Variants in GABBR2 observed in about 807,000 individuals in gnomAD.
GABBR2 encodes the protein G-protein coupled receptor 51.
A neutral mutation model predicts 105.6 loss-of-function variants in GABBR2; 23 were observed. The ratio of observed to expected loss-of-function variants is 0.22; its 90% CI spans 0.16 to 0.31. GABBR2 has a LOEUF of 0.31. Among genes scored for constraint, GABBR2 ranks in the 10% least tolerant of loss-of-function variants. The pLI is 1.00. For synonymous variants in GABBR2, 478 were observed against 499.7 expected (o/e 0.96, Z 0.58); for missense variants, 734 against 1,245.5 (o/e 0.59, Z 6.18).
intron 1 of GABBR2, among the ~76,000 whole-genome samples, chr9:98,679,776 G>A (rs902121253): frequency 1.3e-5 from 2 of 152,160 alleles, no homozygotes; most frequent in Non-Finnish European, 2.9e-5. Flanking sequence ...TATACCAAGG[G>A]GAAAGGAACA....
chr9:98,642,644 T>C (rs1829979368), intron 1 of GABBR2, among the ~76,000 whole-genome samples: 1 of 152,190 alleles, frequency 6.6e-6, no homozygotes, highest in South Asian at 2.1e-4. Flanking sequence ...TGAGACATCA[T>C]ATTATTTTAG....
intron 11 of GABBR2, among the ~76,000 whole-genome samples, chr9:98,378,803 C>G (rs930453844): frequency 6.6e-6 from 1 of 152,168 alleles, no homozygotes; most frequent in African/African-American, 2.4e-5. Context: ...TGATAAGGTC[C>G]TGCTTCTTGA....
intron 3 of GABBR2, among the ~76,000 whole-genome samples, chr9:98,506,290 C>T (rs892091438): frequency 3.3e-5 from 5 of 152,122 alleles, no homozygotes; most frequent in African/African-American, 7.2e-5. Context: ...TCCCCATGGA[C>T]GTGTCAGCTC....
intron 16 of GABBR2, among the ~76,000 whole-genome samples, chr9:98,302,218 T>C (rs1830480499): frequency 6.6e-6 from 1 of 152,220 alleles, no homozygotes; most frequent in South Asian, 2.1e-4. Context: ...TGTCAGTTTT[T>C]GTTGATGTGA....
chr9:98,492,377 A>AAAAAAAAAAAAAAATTC (rs869245590), intron 4 of GABBR2, among the ~76,000 whole-genome samples: 1 of 145,462 alleles, frequency 6.9e-6, no homozygotes, highest in African/African-American at 2.6e-5. Flanking sequence ...AAAAAAAAAA[A>AAAAAAAAAAAAAAATTC]TTCTTATTTG....
At chr9:98,352,966 G>A (rs1389451156) in intron 13 of GABBR2, among the ~76,000 whole-genome samples, 1 of 152,104 alleles carries the variant, frequency 6.6e-6, no homozygotes, top group Admixed American at 6.5e-5. Context: ...TGGGTGCTGG[G>A]CTCTCAAAAT....
chr9:98,552,626 T>C (rs1334041213), intron 2 of GABBR2, among the ~76,000 whole-genome samples: 4 of 152,202 alleles, frequency 2.6e-5, no homozygotes, highest in Non-Finnish European at 5.9e-5. Context: ...TGCAAAGCAT[T>C]TCCCAAGTTA....
chr9:98,578,198 T>C (rs1828948252), intron 1 of GABBR2, 126 bp from the exon 2 acceptor site: 8 of 1,047,630 alleles, frequency 7.6e-6, no homozygotes, highest in Non-Finnish European at 1.1e-5. Flanking sequence ...TGGTGGGGAG[T>C]CTCCTTAAGC....
chr9:98,617,836 T>C (rs1252644287), intron 1 of GABBR2, among the ~76,000 whole-genome samples: 2 of 152,184 alleles, frequency 1.3e-5, no homozygotes, highest in Non-Finnish European at 2.9e-5. Context: ...GGAAGAATCA[T>C]GGCCAGAGTG....
At chr9:98,323,769 T>C (rs1462989626) in intron 13 of GABBR2, among the ~76,000 whole-genome samples, 2 of 152,234 alleles carry the variant, frequency 1.3e-5, no homozygotes, top group African/African-American at 4.8e-5. Flanking sequence ...AGGGCTCTGC[T>C]GAGAACTCAG....
intron 2 of GABBR2, among the ~76,000 whole-genome samples, chr9:98,555,367 A>G (rs1659516719): frequency 6.6e-6 from 1 of 152,232 alleles, no homozygotes; most frequent in South Asian, 2.1e-4. Context: ...ATCCTAATCT[A>G]TTATTTTAAA....
chr9:98,525,376 T>C (rs541589175), intron 3 of GABBR2, among the ~76,000 whole-genome samples: 1 of 152,278 alleles, frequency 6.6e-6, no homozygotes, highest in South Asian at 2.1e-4. Flanking sequence ...AAAGAGGATA[T>C]ACAAATAGCT....
chr9:98,512,293 C>T (rs1345279655), intron 3 of GABBR2, among the ~76,000 whole-genome samples: 2 of 142,322 alleles, frequency 1.4e-5, no homozygotes, highest in Admixed American at 1.4e-4. Context: ...AAACCCACAG[C>T]CAATATCATA....
intron 2 of GABBR2, among the ~76,000 whole-genome samples, chr9:98,567,527 CACA>C (rs1057512882): frequency 4.6e-4 from 70 of 152,306 alleles, no homozygotes; most frequent in African/African-American, 1.7e-3. Context: ...ATTTCATCCA[CACA>C]ACTTTAGATC....
At chr9:98,471,989 G>A (rs1799641704) in intron 6 of GABBR2, among the ~76,000 whole-genome samples, 1 of 152,154 alleles carries the variant, frequency 6.6e-6, no homozygotes. Flanking sequence ...TACAAAATAT[G>A]TCCTAATGAT....
At chr9:98,475,730 G>T (rs1401220854) in intron 5 of GABBR2, among the ~76,000 whole-genome samples, 2 of 152,152 alleles carry the variant, frequency 1.3e-5, no homozygotes, top group Non-Finnish European at 2.9e-5. Context: ...ATCTTATAAG[G>T]TTGTGGCAAG....
chr9:98,513,111 A>G lies in GABBR2; in HGVS notation c.631-16597T>C, dbSNP rs888638853. ...CTCAGAAATAATGCCACACATCTACAACTATCTGATCTTTGACAAACCTGA... is the reference window on the plus strand; with the variant it reads ...CTCAGAAATAATGCCACACATCTACGACTATCTGATCTTTGACAAACCTGA... On this transcript the variant is annotated intron_variant, in intron 3 of 18. Transcript: ENST00000259455. Among the ~76,000 whole-genome samples the G allele has an allele frequency of 7.3e-3, 1,117 of 152,344 alleles. 7 individuals are homozygous for G. The highest frequency in any genetic ancestry group is 0.012 in the Non-Finnish European group (841 of 68,032).
chr9:98,449,338 C>T (rs1826192439), intron 7 of GABBR2, among the ~76,000 whole-genome samples: 1 of 152,190 alleles, frequency 6.6e-6, no homozygotes, highest in Admixed American at 6.5e-5. Context: ...GCTCTTGGGG[C>T]CAGGGACCGT....
intron 13 of GABBR2, among the ~76,000 whole-genome samples, chr9:98,320,984 A>AAAAT (rs935158804): frequency 5.3e-5 from 8 of 152,250 alleles, no homozygotes; most frequent in East Asian, 1.9e-4. Flanking sequence ...ATAATAATAC[A>AAAAT]AAATAAATAA....
Sources: allele counts gnomAD v4.1 joint callset (sites outside exome capture counted in the v4.1 genomes callset), GRCh38; gene constraint gnomAD v4.1.1; transcripts MANE v1.5; gene names NCBI Gene and HGNC (gene_info 2026-07-23, HGNC 2026-07-21).